Variants in ZNF474 observed in about 807,000 individuals in gnomAD.
ZNF474 encodes 4933409D10Rik.
For missense variants in ZNF474, 511 were observed against 433.8 expected, an observed-to-expected ratio of 1.18 and a Z score of -1.58; for synonymous variants, 192 against 162.2, an observed-to-expected ratio of 1.18 and a Z score of -1.39.
In ZNF474 at chr5:122,149,885, CTG is replaced by C. The variant is rs35051222; in HGVS notation, c.-212-1867_-212-1866del. ...TAATCTGCTGGAAACAGAATTGACT[CTG>C]TGTGTGTGTGTGTGTGTGTGTGTGT... On this transcript the variant is annotated intron_variant, in intron 1 of 1. Transcript: ENST00000296600. Among the ~76,000 whole-genome samples, 1,230 of 141,108 alleles carry C rather than the reference CTG, an allele frequency of 8.7e-3. 2 individuals are homozygous for C. Among genetic ancestry groups the C allele is most frequent in the East Asian group, 0.011 (53 of 4,770 alleles). 92.6% of individuals were successfully genotyped at this position (141,108 alleles called of 152,430 possible).
At chr5:122,142,168 T>C (rs1755862325) in intron 1 of ZNF474, among the ~76,000 whole-genome samples, 1 of 152,168 alleles carries the variant, frequency 6.6e-6, no homozygotes, top group Non-Finnish European at 1.5e-5. Flanking sequence ...GTATTCTTAT[T>C]GGGTTGTCCT....
At chr5:122,146,447 T>C (rs1755991519) in intron 1 of ZNF474, among the ~76,000 whole-genome samples, 1 of 152,158 alleles carries the variant, frequency 6.6e-6, no homozygotes, top group Admixed American at 6.5e-5. Flanking sequence ...ATTTATAGTA[T>C]CAATTTTTTA....
intron 1 of ZNF474, among the ~76,000 whole-genome samples, chr5:122,146,559 G>T (rs1157427483): frequency 6.6e-6 from 1 of 152,022 alleles, no homozygotes; most frequent in Non-Finnish European, 1.5e-5. Flanking sequence ...TCTGAAATTT[G>T]AAATAACATT....
intron 1 of ZNF474, among the ~76,000 whole-genome samples, chr5:122,134,355 G>A (rs1446858843): frequency 6.6e-6 from 1 of 152,202 alleles, no homozygotes; most frequent in African/African-American, 2.4e-5. Flanking sequence ...TGTGCAGACA[G>A]CACTTAGTAG....
At chr5:122,143,709 C>G (rs184483263) in intron 1 of ZNF474, among the ~76,000 whole-genome samples, 1 of 152,232 alleles carries the variant, frequency 6.6e-6, no homozygotes, top group African/African-American at 2.4e-5. Flanking sequence ...AAAGTATTTC[C>G]AGAGCAAATC....
At chr5:122,137,821 G>A (rs1755742191) in intron 1 of ZNF474, among the ~76,000 whole-genome samples, 1 of 152,200 alleles carries the variant, frequency 6.6e-6, no homozygotes, top group East Asian at 1.9e-4. Flanking sequence ...GTCAGCAGAG[G>A]TTTAAGTTGT....
At chr5:122,141,110 ATTTTATTTTATTTTATTTTAT>A (rs1755828670) in intron 1 of ZNF474, among the ~76,000 whole-genome samples, 1 of 23,390 alleles carries the variant, frequency 4.3e-5, no homozygotes, top group Non-Finnish European at 1.3e-4. Flanking sequence ...ATTTTATTTT[ATTTTATTTTATTTTATTTTAT>A]TTTATTTTAT....
At chr5:122,141,314 T>TTTTTTTTTTTTG (rs1755840726) in intron 1 of ZNF474, among the ~76,000 whole-genome samples, 1 of 134,880 alleles carries the variant, frequency 7.4e-6, no homozygotes, top group African/African-American at 2.9e-5. Context: ...TTTTTTTTTT[T>TTTTTTTTTTTTG]TTTTTTTTTT....
At chr5:122,146,546 A>G (rs1755994340) in intron 1 of ZNF474, among the ~76,000 whole-genome samples, 1 of 152,200 alleles carries the variant, frequency 6.6e-6, no homozygotes, top group Admixed American at 6.5e-5. Context: ...TCATCAAAAA[A>G]AATCTGAAAT....
At chr5:122,149,288 T>A (rs1467558012) in intron 1 of ZNF474, among the ~76,000 whole-genome samples, 2 of 152,114 alleles carry the variant, frequency 1.3e-5, no homozygotes, top group African/African-American at 4.8e-5. Context: ...GAACCTATAA[T>A]AAAAGTTGAA....
chr5:122,141,160 AT>A (rs922565155), intron 1 of ZNF474, among the ~76,000 whole-genome samples: 2 of 28,828 alleles, frequency 6.9e-5, no homozygotes, highest in Non-Finnish European at 1.5e-4. Flanking sequence ...ATTTTATTTT[AT>A]TTTATTTTAT....
At chr5:122,145,171 A>T (rs1037143971) in intron 1 of ZNF474, among the ~76,000 whole-genome samples, 3 of 152,216 alleles carry the variant, frequency 2.0e-5, no homozygotes, top group African/African-American at 7.2e-5. Flanking sequence ...TGAAGGGGAG[A>T]CAAAGAAAAG....
chr5:122,152,073 A>C lies in ZNF474; in HGVS notation c.83A>C (p.Asn28Thr), dbSNP rs768440282. 4 of 1,614,040 alleles carry C rather than the reference A, an allele frequency of 2.5e-6. No homozygotes were observed. The Admixed American group carries it at 6.7e-5, about 27-fold the overall frequency. The change falls in exon 2 of 2, where the codon AAC becomes ACC. Residue 28 changes from asparagine to threonine, a missense_variant. Transcript: ENST00000296600. ...HHSKEPTFLI[N>T]QAGLLSSDSY... ...TCTAAAGAACCCACTTTCCTTATCA[A>C]CCAAGCTGGGCTTCTCTCTAGTGAC...
At chr5:122,131,887 G>A (rs1755586318) in intron 1 of ZNF474, among the ~76,000 whole-genome samples, 1 of 151,750 alleles carries the variant, frequency 6.6e-6, no homozygotes, top group East Asian at 1.9e-4. Flanking sequence ...ATAATAAAAT[G>A]CACCCATTTT....
intron 1 of ZNF474, among the ~76,000 whole-genome samples, chr5:122,144,514 A>C (rs888445598): frequency 2.6e-5 from 4 of 152,308 alleles, no homozygotes; most frequent in Admixed American, 2.0e-4. Flanking sequence ...GAAACCAAAA[A>C]TCCTTATTTT....
chr5:122,141,067 A>G (rs1216390344), intron 1 of ZNF474, among the ~76,000 whole-genome samples: 1 of 151,602 alleles, frequency 6.6e-6, no homozygotes, highest in African/African-American at 2.4e-5. Flanking sequence ...ACAAAATGGA[A>G]ATGTGTTTTC....
At chr5:122,142,533 G>A (rs1755873481) in intron 1 of ZNF474, among the ~76,000 whole-genome samples, 1 of 152,034 alleles carries the variant, frequency 6.6e-6, no homozygotes, top group East Asian at 1.9e-4. Context: ...TGTTTGTTTG[G>A]GTCTGGGGAC....
At chr5:122,149,695 A>C (rs1756112329) in intron 1 of ZNF474, among the ~76,000 whole-genome samples, 1 of 152,208 alleles carries the variant, frequency 6.6e-6, no homozygotes, top group Non-Finnish European at 1.5e-5. Flanking sequence ...TTGAAATAAT[A>C]ATACCTGCTT....
intron 1 of ZNF474, among the ~76,000 whole-genome samples, chr5:122,136,365 T>A (rs1285335254): frequency 2.6e-5 from 4 of 152,172 alleles, no homozygotes; most frequent in Admixed American, 2.6e-4. Flanking sequence ...TCAGAACATA[T>A]GTGGTCAAGA....
Sources: gnomAD v4.1 joint callset for allele counts (sites outside exome capture counted in the v4.1 genomes callset) on GRCh38, gnomAD v4.1.1 for gene constraint, MANE v1.5 for transcripts, NCBI Gene and HGNC (gene_info 2026-07-23, HGNC 2026-07-21) for gene names.